SEPTIN2: variants seen among roughly 807,000 people sequenced by gnomAD.
The protein encoded by SEPTIN2 is septin-2.
In SEPTIN2, 34 loss-of-function variants were observed where a neutral mutation model predicts 46.5. The ratio of observed to expected loss-of-function variants is 0.73; its 90% CI spans 0.56 to 0.97. SEPTIN2 has a LOEUF of 0.97. Ranked by LOEUF, SEPTIN2 falls within the 50% of genes least tolerant of loss-of-function variation. The probability of loss-of-function intolerance (pLI) is 0.00; values close to 1 mark genes in which losing one functional copy is unlikely to be tolerated. For synonymous variants in SEPTIN2, 175 were observed against 153.4 expected, an observed-to-expected ratio of 1.14 and a Z score of -1.04; for missense variants, 347 against 448.4, an observed-to-expected ratio of 0.77 and a Z score of 2.04.
intron 1 of SEPTIN2, chr2:241,316,517 C>G (rs1259555435): frequency 3.9e-6 from 6 of 1,521,090 alleles, no homozygotes; most frequent in South Asian, 3.6e-5. Flanking sequence ...CTGCGGGTAC[C>G]TTCGGCGAGG....
chr2:241,333,159 T>G (rs1028296680), intron 3 of SEPTIN2, among the ~76,000 whole-genome samples: 4 of 152,148 alleles, frequency 2.6e-5, no homozygotes, highest in Admixed American at 2.0e-4. Flanking sequence ...GGGTGAGTAG[T>G]GAAAAGTAAA....
Position 241,353,123 on chromosome 2 carries a change from T to G in SEPTIN2, c.*1186T>G, listed in dbSNP as rs1575428153. On this transcript the variant is annotated 3_prime_UTR_variant, in exon 13 of 13. Coordinates refer to ENST00000391971, the MANE Select transcript of SEPTIN2 (RefSeq NM_004404.5). ...GAGGAAAGTAGCAGTCATCATCTTT[T>G]TGTGTGCAGGCTGTCTCATTTATTT... 2 of 152,264 alleles carry G rather than the reference T, an allele frequency of 1.3e-5. No individual in the cohort carries two copies. Among genetic ancestry groups the G allele is most frequent in the Non-Finnish European group, 2.9e-5 (2 of 68,034 alleles). The allele number at this position is 152,264 out of a possible 1,614,324, so 9.4% of individuals were successfully genotyped here. A position where few individuals can be genotyped will look rare whatever the true frequency, so the allele number is the denominator to read the frequency against.
At chr2:241,337,870 C>CTCAGTCTGCTCAGGTG in intron 7 of SEPTIN2, 80 bp downstream of exon 7, 1 of 941,800 alleles carries the variant, frequency 1.1e-6, no homozygotes, top group East Asian at 2.5e-5. Flanking sequence ...TGTTCCCACG[C>CTCAGTCTGCTCAGGTG]TCAGTCTGCT....
chr2:241,330,525 A>G (rs1458095411), intron 3 of SEPTIN2, among the ~76,000 whole-genome samples: 1 of 152,206 alleles, frequency 6.6e-6, no homozygotes, highest in African/African-American at 2.4e-5. Context: ...ACAGGCAGTG[A>G]AGAAAGATAG....
intron 1 of SEPTIN2, among the ~76,000 whole-genome samples, chr2:241,319,164 A>G (rs2076785282): frequency 6.6e-6 from 1 of 152,238 alleles, no homozygotes; most frequent in Non-Finnish European, 1.5e-5. Flanking sequence ...AAAAAATGAG[A>G]GAATAGAGAA....
rs918257127 is a variant in SEPTIN2, at chr2:241,350,110, C to T, written c.1022C>T (p.Ala341Val). ...RMQEMIARMQ[A>V]QMQMQMQGGD... ...CAAGAGATGATTGCAAGGATGCAGG[C>T]GCAGATGCAGATGCAGATGCAGGGC... The change falls in exon 12 of 13, where the codon GCG (alanine) becomes GTG (valine). Residue 341 changes from alanine to valine, a missense_variant. Physicochemically the swap from Ala to Val is moderately conservative, Grantham distance 64 (BLOSUM62 0). Coordinates refer to ENST00000391971, the MANE Select transcript of SEPTIN2 (RefSeq NM_004404.5). 4 of 1,614,064 alleles carry T rather than the reference C, an allele frequency of 2.5e-6. No individual in the cohort carries two copies. Among genetic ancestry groups the T allele is most frequent in the Middle Eastern group, 1.6e-4 (1 of 6,062 alleles).
At chr2:241,315,886 G>A (rs1026429031), upstream of SEPTIN2, 25 of 152,060 alleles carry the variant, frequency 1.6e-4, no homozygotes, top group African/African-American at 6.0e-4. Context: ...CGCGCTGGGC[G>A]GGGCGGGGCG....
Position 241,337,331 on chromosome 2 carries a change from A to T in SEPTIN2, c.342-51A>T, listed in dbSNP as rs373735017. ...ACTTGTTTTCCCTTTGAAGTCAGGG[A>T]CCCCCTGTTTTATACCCTATGATTA... On this transcript the variant is annotated intron_variant, in intron 5 of 12. Coordinates refer to ENST00000391971, the MANE Select transcript of SEPTIN2 (RefSeq NM_004404.5). 6 of 1,509,226 alleles carry T rather than the reference A, an allele frequency of 4.0e-6. 1 individual carries two copies. In the African/African-American group the frequency reaches 8.5e-5, roughly 21 times the overall value. 93.5% of individuals were successfully genotyped at this position (1,509,226 alleles called of 1,614,324 possible). A position where few individuals can be genotyped will look rare whatever the true frequency, so the allele number is the denominator to read the frequency against.
intron 1 of SEPTIN2, chr2:241,317,656 C>A: frequency 1.5e-6 from 1 of 664,370 alleles, no homozygotes; most frequent in Non-Finnish European, 1.9e-6. Context: ...CTTATCCCTG[C>A]CCCAGTCCCT....
chr2:241,335,859 T>C (rs2079880401), intron 4 of SEPTIN2, 116 bp from the exon 5 acceptor site: 1 of 1,330,016 alleles, frequency 7.5e-7, no homozygotes, highest in Non-Finnish European at 1.1e-6. Context: ...CATGGTATCT[T>C]TGGAGAACCT....
chr2:241,330,395 T>C (rs1367679899), intron 3 of SEPTIN2, among the ~76,000 whole-genome samples: 1 of 152,062 alleles, frequency 6.6e-6, no homozygotes, highest in African/African-American at 2.4e-5. Flanking sequence ...AGCCCTGAGG[T>C]TGGTTTGTGC....
chr2:241,330,144 G>C (rs1276127265), intron 3 of SEPTIN2, among the ~76,000 whole-genome samples: 1 of 152,056 alleles, frequency 6.6e-6, no homozygotes, highest in African/African-American at 2.4e-5. Flanking sequence ...ATCTTACCGA[G>C]TCCAGCAATA....
intron 5 of SEPTIN2, chr2:241,336,718 C>T (rs983898497): frequency 1.8e-5 from 3 of 170,788 alleles, no homozygotes; most frequent in African/African-American, 7.2e-5. Context: ...ATGCTGTTTC[C>T]CAGCTCAGAT....
chr2:241,332,814 C>T (rs1040676422), intron 3 of SEPTIN2, among the ~76,000 whole-genome samples: 1 of 152,204 alleles, frequency 6.6e-6, no homozygotes, highest in African/African-American at 2.4e-5. Context: ...CTCGTAGATG[C>T]AACAACATGC....
intron 2 of SEPTIN2, chr2:241,324,742 C>T (rs2077670603): frequency 5.3e-6 from 1 of 187,054 alleles, no homozygotes; most frequent in Admixed American, 5.8e-5. Context: ...ACTTTCTTTT[C>T]TCTACACACA....
chr2:241,343,113 C>A lies in SEPTIN2; in HGVS notation c.696+20C>A. Reference sequence around the variant, plus strand: ...CTCAAGGTAAGAACTGGCTTCAGATCCACAACATAAATAACTCCTGTTTAC... The same window carrying A: ...CTCAAGGTAAGAACTGGCTTCAGATACACAACATAAATAACTCCTGTTTAC... On this transcript the variant is annotated intron_variant, in intron 8 of 12. Coordinates refer to ENST00000391971, the MANE Select transcript of SEPTIN2 (RefSeq NM_004404.5). 3 of 1,330,250 alleles carry A rather than the reference C, an allele frequency of 2.3e-6. No individual in the cohort carries two copies. Among genetic ancestry groups the A allele is most frequent in the Non-Finnish European group, 3.2e-6 (3 of 927,382 alleles). The allele number at this position is 1,330,250 out of a possible 1,614,324, so 82.4% of individuals were successfully genotyped here.
At chr2:241,346,369 A>C in intron 10 of SEPTIN2, 120 bp downstream of exon 10, 1 of 610,682 alleles carries the variant, frequency 1.6e-6, no homozygotes, top group Non-Finnish European at 2.8e-6. Context: ...TTTCCTACTC[A>C]AAAGTTATTA....
intron 9 of SEPTIN2, among the ~76,000 whole-genome samples, chr2:241,345,889 A>G (rs2060187221): frequency 6.6e-6 from 1 of 152,300 alleles, no homozygotes; most frequent in African/African-American, 2.4e-5. Flanking sequence ...TGATGGCCTC[A>G]CACAGGGGTG....
intron 7 of SEPTIN2, among the ~76,000 whole-genome samples, chr2:241,338,590 A>T (rs999214674): frequency 4.2e-4 from 57 of 135,058 alleles, no homozygotes; most frequent in South Asian, 1.1e-3. Flanking sequence ...TCTCTAAAAA[A>T]ATATATATAT....
Sources: allele counts gnomAD v4.1 joint callset (sites outside exome capture counted in the v4.1 genomes callset), GRCh38; gene constraint gnomAD v4.1.1; transcripts MANE v1.5; gene names NCBI Gene and HGNC (gene_info 2026-07-23, HGNC 2026-07-21).